Variants in RBM26 observed in about 807,000 individuals in gnomAD.
RBM26 encodes the protein RNA-binding protein 26.
RBM26 carries 30 observed loss-of-function variants against 123.6 expected under a neutral mutation model. The observed-to-expected ratio is 0.24, with a 90% CI of 0.18 to 0.33. The LOEUF (loss-of-function observed/expected upper bound fraction) is 0.33. RBM26 is among the 10% of genes least tolerant of loss of function. The probability of loss-of-function intolerance (pLI) is 1.00; values close to 1 mark genes in which losing one functional copy is unlikely to be tolerated. For missense variants in RBM26, 947 were observed against 1,203.6 expected, an observed-to-expected ratio of 0.79 and a Z score of 3.15; for synonymous variants, 400 against 404.4, an observed-to-expected ratio of 0.99 and a Z score of 0.13.
At chr13:79,359,199 A>T (rs1310146510) in intron 10 of RBM26, among the ~76,000 whole-genome samples, 1 of 152,122 alleles carries the variant, frequency 6.6e-6, no homozygotes, top group African/African-American at 2.4e-5. Flanking sequence ...GCTCCTACCT[A>T]GCAGGAACTG....
intron 20 of RBM26, among the ~76,000 whole-genome samples, chr13:79,331,617 C>A (rs953181601): frequency 6.6e-4 from 99 of 150,998 alleles, no homozygotes; most frequent in African/African-American, 2.2e-3. Flanking sequence ...GCCTGGGCAA[C>A]ACAGCGAGAC....
chr13:79,392,741 C>A (rs151032674), intron 1 of RBM26, among the ~76,000 whole-genome samples: 277 of 150,552 alleles, frequency 1.8e-3, no homozygotes, highest in Middle Eastern at 6.8e-3. Context: ...AAACAAGCCG[C>A]TTTAACTACA....
chr13:79,337,320 C>G lies in RBM26; in HGVS notation c.2533-18G>C. ...TTGGCAGCCTAGAAGAGATTAGACA[C>G]ACAGGTTAAACAATGCTGTGATTAC... On this transcript the variant is annotated intron_variant, in intron 18 of 21. Transcript: ENST00000438737. 1 of 1,613,936 alleles carries G rather than the reference C, an allele frequency of 6.2e-7. No individual in the cohort carries two copies. The highest frequency in any genetic ancestry group is 1.1e-5 in the South Asian group (1 of 91,078).
intron 9 of RBM26, 136 bp downstream of exon 9, chr13:79,365,442 C>T: frequency 1.4e-6 from 1 of 727,172 alleles, no homozygotes; most frequent in Non-Finnish European, 2.3e-6. Context: ...GACTCTGTCT[C>T]CAAAAATAAA....
intron 1 of RBM26, chr13:79,389,487 A>T (rs2140362750): frequency 6.6e-6 from 1 of 152,372 alleles, no homozygotes; most frequent in Admixed American, 6.5e-5. Context: ...AAAGCCAAAG[A>T]AAAAAGCAAA....
chr13:79,388,765 T>C (rs2077694807), intron 1 of RBM26, among the ~76,000 whole-genome samples: 1 of 152,230 alleles, frequency 6.6e-6, no homozygotes, highest in Non-Finnish European at 1.5e-5. Flanking sequence ...TCAGTCTGCT[T>C]GCTACTATAA....
chr13:79,325,398 G>T (rs1360583189), intron 20 of RBM26, among the ~76,000 whole-genome samples: 4 of 151,998 alleles, frequency 2.6e-5, no homozygotes, highest in Non-Finnish European at 4.4e-5. Flanking sequence ...ACTTTCCAGT[G>T]GGACAAGACG....
chr13:79,379,854 CATAAA>C (rs904655903), intron 1 of RBM26, among the ~76,000 whole-genome samples: 3 of 151,780 alleles, frequency 2.0e-5, no homozygotes, highest in Non-Finnish European at 4.4e-5. Flanking sequence ...GATGCTAAAA[CATAAA>C]ATAAATAAAA....
chr13:79,386,062 C>T (rs2077452444), intron 1 of RBM26, among the ~76,000 whole-genome samples: 1 of 151,510 alleles, frequency 6.6e-6, no homozygotes, highest in African/African-American at 2.4e-5. Flanking sequence ...TGATAAATAG[C>T]CTCACCTGAA....
At chr13:79,371,792 A>G in intron 4 of RBM26, 50 bp downstream of exon 4, 1 of 1,281,236 alleles carries the variant, frequency 7.8e-7, no homozygotes, top group South Asian at 1.2e-5. Flanking sequence ...ACATTTGTAT[A>G]AAAGATAACT....
intron 13 of RBM26, among the ~76,000 whole-genome samples, 171 bp from the exon 14 acceptor site, chr13:79,353,395 CA>C (rs886495175): frequency 6.6e-6 from 1 of 151,760 alleles, no homozygotes; most frequent in African/African-American, 2.4e-5. Flanking sequence ...TGTGGGAAAA[CA>C]AAAATAAACA....
intron 16 of RBM26, among the ~76,000 whole-genome samples, chr13:79,343,323 T>C (rs2071746734): frequency 6.6e-6 from 1 of 151,774 alleles, no homozygotes; most frequent in African/African-American, 2.4e-5. Flanking sequence ...AGAATGGTAT[T>C]CCCAACATGA....
intron 11 of RBM26, among the ~76,000 whole-genome samples, chr13:79,355,787 A>C (rs1237816683): frequency 6.6e-6 from 1 of 152,238 alleles, no homozygotes; most frequent in Non-Finnish European, 1.5e-5. Context: ...AAAATTACAG[A>C]AAAATCCATC....
chr13:79,382,012 T>C (rs1174692771), intron 1 of RBM26, among the ~76,000 whole-genome samples: 1 of 152,082 alleles, frequency 6.6e-6, no homozygotes, highest in Non-Finnish European at 1.5e-5. Context: ...CCATTTTTAC[T>C]TCAATATTTT....
chr13:79,381,304 CCTGA>C (rs901721619), intron 1 of RBM26, among the ~76,000 whole-genome samples: 1 of 151,998 alleles, frequency 6.6e-6, no homozygotes, highest in Non-Finnish European at 1.5e-5. Flanking sequence ...GTGCCAGAAA[CCTGA>C]CTTCCAATTT....
In RBM26 at chr13:79,324,149, C is replaced by A. The variant is rs1323506124; in HGVS notation, c.2821-1687G>T. Reference sequence around the variant, plus strand: ...GATTATCCCTAGCCCTAAGAGATAACCACTATTCTGTGAGGAATTCGGAGT... The same window carrying A: ...GATTATCCCTAGCCCTAAGAGATAAACACTATTCTGTGAGGAATTCGGAGT... On this transcript the variant is annotated intron_variant, in intron 20 of 21. Coordinates refer to ENST00000438737, the MANE Select transcript of RBM26 (RefSeq NM_001366735.2). 5.3e-5 allele frequency among the ~76,000 whole-genome samples: 8 copies of A among 151,810 alleles called. No homozygotes were observed. The East Asian group carries it at 1.5e-3, about 29-fold the overall frequency.
At chr13:79,313,966 T>C (rs2066976941), downstream of RBM26, 1 of 151,542 alleles carries the variant, frequency 6.6e-6, no homozygotes, top group African/African-American at 2.4e-5. Flanking sequence ...TTTTCTAATA[T>C]AGTTACTACC....
intron 9 of RBM26, among the ~76,000 whole-genome samples, chr13:79,365,048 A>G (rs550236455): frequency 1.3e-5 from 2 of 152,258 alleles, no homozygotes; most frequent in Non-Finnish European, 2.9e-5. Flanking sequence ...CTTCTTGGAC[A>G]GTGTAATAAT....
intron 20 of RBM26, among the ~76,000 whole-genome samples, chr13:79,333,044 T>C (rs1056066616): frequency 1.3e-5 from 2 of 152,110 alleles, no homozygotes; most frequent in Non-Finnish European, 2.9e-5. Flanking sequence ...ACTACCTATC[T>C]AGCAAGAGAC....
Sources: allele counts gnomAD v4.1 joint callset (sites outside exome capture counted in the v4.1 genomes callset), GRCh38; gene constraint gnomAD v4.1.1; transcripts MANE v1.5; gene names NCBI Gene and HGNC (gene_info 2026-07-23, HGNC 2026-07-21).